The following PRKD1 variants were observed in gnomAD, a reference collection of about 807,000 sequenced individuals.
PRKD1 encodes protein kinase D1.
A neutral mutation model predicts 95.9 loss-of-function variants in PRKD1; 63 were observed. The ratio of observed to expected loss-of-function variants is 0.66; its 90% confidence interval spans 0.54 to 0.81. PRKD1 has a LOEUF of 0.81. PRKD1 is among the 30% of genes least tolerant of loss of function. The pLI, the probability that PRKD1 is intolerant of heterozygous loss-of-function variation, is 0.00. For missense variants in PRKD1, 1,048 were observed against 1,165.3 expected (o/e 0.90, Z 1.47); for synonymous variants, 425 against 423.1 (o/e 1.00, Z -0.05).
intron 4 of PRKD1, among the ~76,000 whole-genome samples, chr14:29,651,708 CA>C (rs201949870): frequency 0.014 from 2,152 of 151,246 alleles, 55 homozygotes; most frequent in African/African-American, 0.049. Context: ...TTGAAGTGAA[CA>C]TAAGTAACCT....
At position 29,798,607 on chromosome 14, in the gene PRKD1, C is replaced by T. The variant is rs45472495; in HGVS notation, c.265-72933G>A. On this transcript the variant is annotated intron_variant, in intron 1 of 17. Transcript: ENST00000331968. ...AATTTCTCTAATTTACTTCTTACATCTATTTCAGGTTATAAATATTCATAA... is the reference window on the plus strand; with the variant it reads ...AATTTCTCTAATTTACTTCTTACATTTATTTCAGGTTATAAATATTCATAA... 6.3e-3 allele frequency among the ~76,000 whole-genome samples: 960 copies of T among 152,290 alleles called. 3 individuals carry two copies. The highest frequency in any genetic ancestry group is 0.022 in the African/African-American group (901 of 41,554).
chr14:29,831,159 T>G (rs982375940), intron 1 of PRKD1, among the ~76,000 whole-genome samples: 3 of 152,200 alleles, frequency 2.0e-5, no homozygotes, highest in Admixed American at 6.6e-5. Context: ...ACGTGGTTGA[T>G]TTCATAAATG....
chr14:29,903,915 T>C (rs1391106833), intron 1 of PRKD1, among the ~76,000 whole-genome samples: 2 of 152,096 alleles, frequency 1.3e-5, no homozygotes, highest in African/African-American at 4.8e-5. Context: ...AAGACATACA[T>C]ATATATTTTA....
chr14:29,642,200 G>A (rs1232795497), intron 4 of PRKD1, among the ~76,000 whole-genome samples: 1 of 151,544 alleles, frequency 6.6e-6, no homozygotes, highest in Non-Finnish European at 1.5e-5. Flanking sequence ...CACTGCGCCT[G>A]GCCGGCAAAA....
intron 13 of PRKD1, among the ~76,000 whole-genome samples, chr14:29,608,210 T>C (rs45593646): frequency 0.038 from 5,827 of 152,216 alleles, 393 homozygotes; most frequent in African/African-American, 0.13. Context: ...AGTATCTTTA[T>C]TTGTGAAGAT....
intron 1 of PRKD1, among the ~76,000 whole-genome samples, chr14:29,799,015 G>A (rs1286969376): frequency 6.6e-6 from 1 of 152,088 alleles, no homozygotes; most frequent in Admixed American, 6.5e-5. Flanking sequence ...CCACGATTTG[G>A]CAGCTGCTTA....
At chr14:29,748,880 G>A (rs896078547) in intron 1 of PRKD1, among the ~76,000 whole-genome samples, 18 of 152,194 alleles carry the variant, frequency 1.2e-4, no homozygotes, top group African/African-American at 3.9e-4. Context: ...AGAGAGTGGT[G>A]AAAAACGAAA....
At chr14:29,892,539 C>T (rs1445403371) in intron 1 of PRKD1, among the ~76,000 whole-genome samples, 1 of 152,024 alleles carries the variant, frequency 6.6e-6, no homozygotes, top group African/African-American at 2.4e-5. Context: ...ACACAAATTA[C>T]CTTCTTTTCA....
chr14:29,754,720 A>T (rs1452887407), intron 1 of PRKD1, among the ~76,000 whole-genome samples: 2 of 152,092 alleles, frequency 1.3e-5, no homozygotes, highest in Non-Finnish European at 2.9e-5. Context: ...ATTTTAAAAA[A>T]GTTTACTATG....
chr14:29,601,197 C>A lies in PRKD1; in HGVS notation c.1906-1380G>T, dbSNP rs45607135. Among the ~76,000 whole-genome samples, 185 of 152,280 alleles carry A rather than the reference C, an allele frequency of 1.2e-3. 1 individual carries two copies. The highest frequency in any genetic ancestry group is 3.9e-3 in the African/African-American group (162 of 41,564). On this transcript the variant is annotated intron_variant, in intron 13 of 17. Transcript: ENST00000331968. ...GCAGAAGGGGTTGTGGGTGAGTCTA[C>A]ATTGTTGTAGTTGTCCTCTCACTAC...
chr14:29,819,306 G>C (rs12897577), intron 1 of PRKD1, among the ~76,000 whole-genome samples: 1 of 139,660 alleles, frequency 7.2e-6, no homozygotes, highest in African/African-American at 3.1e-5. Context: ...CTGGTGTGGA[G>C]AGGTGCAAAG....
At chr14:29,657,289 C>T (rs999868698) in intron 4 of PRKD1, 5 of 152,158 alleles carry the variant, frequency 3.3e-5, no homozygotes, top group Non-Finnish European at 5.9e-5. Context: ...CATCTCTGTT[C>T]TCTCAAGCTT....
chr14:29,710,729 A>G (rs1885298842), intron 2 of PRKD1, among the ~76,000 whole-genome samples: 1 of 152,192 alleles, frequency 6.6e-6, no homozygotes, highest in Admixed American at 6.6e-5. Context: ...TACCATGACA[A>G]TGTAAGATGA....
Position 29,576,852 on chromosome 14 carries a change from A to G in PRKD1, c.*386T>C. 1 of 234,716 alleles carries G rather than the reference A, an allele frequency of 4.3e-6. No individual in the cohort carries two copies. The highest frequency in any genetic ancestry group is 9.3e-5 in the East Asian group (1 of 10,712). The allele number at this position is 234,716 out of a possible 1,614,324, so 14.5% of individuals were successfully genotyped here. A position where few individuals can be genotyped will look rare whatever the true frequency, so the allele number is the denominator to read the frequency against. ...TCGACTCTTCAAGAGTTTGTTTACA[A>G]TGACAACACCAATGGGACACACCAA... On this transcript the variant is annotated 3_prime_UTR_variant, in exon 18 of 18. Coordinates refer to ENST00000331968, the MANE Select transcript of PRKD1 (RefSeq NM_002742.3).
Position 29,624,242 on chromosome 14 carries a change from T to G in PRKD1, c.1815A>C (p.Thr605=), listed in dbSNP as rs1879466749. ...TGATTTTAATAGCTACATCTCTTCC[T>G]GTTTTACGATGTTTTCCTTTAAAAT... ...GIVYGGKHRK[T]GRDVAIKIID... Residue 605 remains threonine, a synonymous_variant, in exon 13 of 18, where the codon ACA becomes ACC. Transcript: ENST00000331968. 1 of 1,598,010 alleles carries G rather than the reference T, an allele frequency of 6.3e-7. No individual in the cohort carries two copies. Among genetic ancestry groups the G allele is most frequent in the Non-Finnish European group, 8.5e-7 (1 of 1,172,016 alleles).
chr14:29,708,653 G>C (rs1334506063), intron 2 of PRKD1, among the ~76,000 whole-genome samples: 1 of 152,132 alleles, frequency 6.6e-6, no homozygotes, highest in Non-Finnish European at 1.5e-5. Flanking sequence ...AGGAGTTCGA[G>C]ACCAGTCTGG....
rs916497905 is a variant in PRKD1, at chr14:29,591,845, G to T, written c.2434+5646C>A. Among the ~76,000 whole-genome samples the T allele has an allele frequency of 4.6e-5, 7 of 152,098 alleles. No individual in the cohort carries two copies. In the East Asian group the frequency reaches 1.4e-3, roughly 29 times the overall value. On this transcript the variant is annotated intron_variant, in intron 16 of 17. Coordinates refer to ENST00000331968, the MANE Select transcript of PRKD1 (RefSeq NM_002742.3). Reference sequence around the variant, plus strand: ...AGCACTGTCTGGGATTCACCCTTATGACATACCACACACTGGAAACATGAG... The same window carrying T: ...AGCACTGTCTGGGATTCACCCTTATTACATACCACACACTGGAAACATGAG...
chr14:29,592,494 G>A (rs1893166802), intron 16 of PRKD1, among the ~76,000 whole-genome samples: 1 of 151,932 alleles, frequency 6.6e-6, no homozygotes, highest in Non-Finnish European at 1.5e-5. Context: ...ATACATAAAT[G>A]CATTCAGTTA....
chr14:29,628,893 T>C (rs1181919578), intron 11 of PRKD1, 148 bp downstream of exon 11: 7 of 382,622 alleles, frequency 1.8e-5, no homozygotes, highest in Admixed American at 1.6e-4. Context: ...ATTTAATATT[T>C]CTAAAATATC....
Sources: gnomAD v4.1 joint callset for allele counts (sites outside exome capture counted in the v4.1 genomes callset) on GRCh38, gnomAD v4.1.1 for gene constraint, MANE v1.5 for transcripts, NCBI Gene and HGNC (gene_info 2026-07-23, HGNC 2026-07-21) for gene names.